The following LHFPL6 variants were observed in gnomAD, a reference collection of about 807,000 sequenced individuals.
The protein encoded by LHFPL6 is LHFPL tetraspan subfamily member 6 protein.
LHFPL6 carries 9 observed loss-of-function variants against 20.6 expected under a neutral mutation model. The ratio of observed to expected loss-of-function variants is 0.44; its 90% CI spans 0.26 to 0.76. LHFPL6 has a LOEUF of 0.76. Ranked by LOEUF, LHFPL6 falls within the 30% of genes least tolerant of loss-of-function variation. The probability of loss-of-function intolerance (pLI) is 0.20; values close to 1 mark genes in which losing one functional copy is unlikely to be tolerated. For missense variants in LHFPL6, 218 were observed against 253.5 expected (o/e 0.86, Z 0.95); for synonymous variants, 105 against 98.7 (o/e 1.06, Z -0.38).
chr13:39,408,546 C>T (rs9566428), intron 2 of LHFPL6, among the ~76,000 whole-genome samples: 3 of 152,052 alleles, frequency 2.0e-5, no homozygotes, highest in Non-Finnish European at 2.9e-5. Context: ...ACTTAATAAA[C>T]AATGCATTCT....
chr13:39,450,218 G>A (rs1872404434), intron 2 of LHFPL6, among the ~76,000 whole-genome samples: 1 of 152,202 alleles, frequency 6.6e-6, no homozygotes, highest in South Asian at 2.1e-4. Context: ...TATGAGAGCA[G>A]AGATACAATA....
In LHFPL6 at chr13:39,343,954, C is replaced by T; in HGVS notation, c.585G>A (p.Gln195=). 1 of 1,613,810 alleles carries T rather than the reference C, an allele frequency of 6.2e-7. No individual in the cohort carries two copies. The highest frequency in any genetic ancestry group is 2.2e-5 in the East Asian group (1 of 44,870). Reference sequence around the variant, plus strand: ...CTCCATCTCAGTATGGGTAGTGCTTCTGTTTCTTGCCCGAAAAGCAAGCCA... The same window carrying T: ...CTCCATCTCAGTATGGGTAGTGCTTTTGTTTCTTGCCCGAAAAGCAAGCCA... ...TWLACFSGKK[Q]KHYPY is the part of the protein sequence containing the mutation. Residue 195 remains glutamine (Q), a synonymous_variant, in exon 4 of 4, where the codon CAG becomes CAA. Transcript: ENST00000379589.
At chr13:39,412,965 C>A (rs1053340255) in intron 2 of LHFPL6, among the ~76,000 whole-genome samples, 1 of 151,586 alleles carries the variant, frequency 6.6e-6, no homozygotes, top group Non-Finnish European at 1.5e-5. Context: ...AGCAAGGGAA[C>A]CTGAACCCAT....
At chr13:39,421,245 A>G (rs1314327779) in intron 2 of LHFPL6, among the ~76,000 whole-genome samples, 7 of 152,192 alleles carry the variant, frequency 4.6e-5, no homozygotes, top group Admixed American at 1.3e-4. Context: ...CAGGTATCAT[A>G]TTTGCTTATT....
chr13:39,353,560 A>G (rs1411592222), intron 3 of LHFPL6, among the ~76,000 whole-genome samples: 1 of 151,766 alleles, frequency 6.6e-6, no homozygotes, highest in African/African-American at 2.4e-5. Flanking sequence ...CCCAGTCTCT[A>G]CTAAAAAAAA....
At chr13:39,572,761 A>T (rs543989874) in intron 2 of LHFPL6, among the ~76,000 whole-genome samples, 3 of 152,204 alleles carry the variant, frequency 2.0e-5, no homozygotes, top group African/African-American at 7.2e-5. Flanking sequence ...TAACCTTCTG[A>T]GTTTGCATAC....
chr13:39,599,336 G>A (rs753756401), intron 2 of LHFPL6, among the ~76,000 whole-genome samples: 14 of 152,168 alleles, frequency 9.2e-5, no homozygotes, highest in Non-Finnish European at 1.3e-4. Flanking sequence ...AATACTCTTG[G>A]CATTAATTCT....
intron 2 of LHFPL6, among the ~76,000 whole-genome samples, chr13:39,593,408 G>A (rs1872670965): frequency 6.6e-6 from 1 of 152,046 alleles, no homozygotes; most frequent in South Asian, 2.1e-4. Flanking sequence ...AACTCACAAG[G>A]GACGTGAAGG....
chr13:39,575,379 T>G (rs1447638428), intron 2 of LHFPL6, among the ~76,000 whole-genome samples: 1 of 152,216 alleles, frequency 6.6e-6, no homozygotes, highest in East Asian at 1.9e-4. Flanking sequence ...TACATTTTCC[T>G]CCAGACTACT....
chr13:39,585,419 T>C (rs1238514967), intron 2 of LHFPL6, among the ~76,000 whole-genome samples: 1 of 152,224 alleles, frequency 6.6e-6, no homozygotes, highest in African/African-American at 2.4e-5. Context: ...AATTGGCTCT[T>C]GGGACATACC....
At chr13:39,590,592 C>A (rs1212765574) in intron 2 of LHFPL6, among the ~76,000 whole-genome samples, 1 of 152,160 alleles carries the variant, frequency 6.6e-6, no homozygotes, top group Non-Finnish European at 1.5e-5. Flanking sequence ...CAATAAGACA[C>A]CCTTGCCAAC....
At chr13:39,477,792 G>A (rs1041041104) in intron 2 of LHFPL6, among the ~76,000 whole-genome samples, 1 of 152,268 alleles carries the variant, frequency 6.6e-6, no homozygotes, top group East Asian at 1.9e-4. Context: ...TAAATTTTTG[G>A]TTCTAGTTTT....
intron 2 of LHFPL6, among the ~76,000 whole-genome samples, chr13:39,414,576 T>C (rs11147763): frequency 0.43 from 65,196 of 149,908 alleles, 16,410 homozygotes; most frequent in Non-Finnish European, 0.55. Flanking sequence ...TGGGACTTTC[T>C]TGGGGTACTG....
intron 2 of LHFPL6, among the ~76,000 whole-genome samples, chr13:39,593,874 G>C (rs551588505): frequency 9.2e-5 from 14 of 152,222 alleles, no homozygotes; most frequent in African/African-American, 3.4e-4. Flanking sequence ...GAAAGGATTC[G>C]CTATTTAATA....
intron 2 of LHFPL6, among the ~76,000 whole-genome samples, chr13:39,593,570 C>T (rs1337418518): frequency 9.9e-5 from 15 of 151,984 alleles, no homozygotes; most frequent in Non-Finnish European, 2.1e-4. Flanking sequence ...ATGCCATCCC[C>T]ATCAAGCTAC....
intron 2 of LHFPL6, among the ~76,000 whole-genome samples, chr13:39,593,954 C>CA (rs1173117391): frequency 1.3e-5 from 2 of 152,124 alleles, no homozygotes; most frequent in Non-Finnish European, 2.9e-5. Context: ...ACACCTTATA[C>CA]AAAAATCAAT....
intron 3 of LHFPL6, among the ~76,000 whole-genome samples, chr13:39,348,656 T>C (rs1371611739): frequency 2.0e-5 from 3 of 152,156 alleles, no homozygotes; most frequent in Non-Finnish European, 4.4e-5. Context: ...AAGGAGTGAA[T>C]GAACAAAGAC....
rs376446144 is a variant in LHFPL6, at chr13:39,560,504, CTTTTT to C, written c.385+40323_385+40327del. Among the ~76,000 whole-genome samples the C allele has an allele frequency of 4.2e-5, 5 of 118,176 alleles. No individual in the cohort carries two copies. The East Asian group carries it at 1.3e-3, about 30-fold the overall frequency. The allele number at this position is 118,176 out of a possible 152,430, so 77.5% of individuals were successfully genotyped here. ...ATCTCCTTTGGGTTATGCAAATTCT[CTTTTT>C]TTTTTTTTTTTTTTTCTTTTTTTGA... is the stretch of plus-strand genomic sequence containing the variant. On this transcript the variant is annotated intron_variant, in intron 2 of 3. Coordinates refer to ENST00000379589, the MANE Select transcript of LHFPL6 (RefSeq NM_005780.3).
At chr13:39,366,994 TAG>T (rs1250288357) in intron 3 of LHFPL6, among the ~76,000 whole-genome samples, 3 of 152,232 alleles carry the variant, frequency 2.0e-5, no homozygotes, top group Admixed American at 2.0e-4. Context: ...TAGTTCAGAA[TAG>T]AGTGTCTGTG....
Sources: gnomAD v4.1 joint callset for allele counts (sites outside exome capture counted in the v4.1 genomes callset) on GRCh38, gnomAD v4.1.1 for gene constraint, MANE v1.5 for transcripts, NCBI Gene and HGNC (gene_info 2026-07-23, HGNC 2026-07-21) for gene names.